The following ANKDD1A variants were observed in gnomAD, a reference collection of about 807,000 sequenced individuals.
ANKDD1A encodes the protein ankyrin repeat and death domain containing 1A.
A neutral mutation model predicts 63.5 loss-of-function variants in ANKDD1A; 59 were observed. That is an observed-to-expected ratio of 0.93 (90% CI 0.75 to 1.15). The LOEUF (loss-of-function observed/expected upper bound fraction) is 1.15. Among genes scored for constraint, ANKDD1A ranks in the 50% most tolerant of loss-of-function variants. The probability of loss-of-function intolerance (pLI) is 0.00; values close to 1 mark genes in which losing one functional copy is unlikely to be tolerated. For missense variants in ANKDD1A, 632 were observed against 656.4 expected, an observed-to-expected ratio of 0.96 and a Z score of 0.41; for synonymous variants, 266 against 263.9, an observed-to-expected ratio of 1.01 and a Z score of -0.08.
At chr15:64,913,323 G>T (rs946236376) in intron 1 of ANKDD1A, among the ~76,000 whole-genome samples, 3 of 152,160 alleles carry the variant, frequency 2.0e-5, no homozygotes, top group Non-Finnish European at 4.4e-5. Context: ...CTAGAACCCA[G>T]GCCTCTGTAA....
intron 11 of ANKDD1A, among the ~76,000 whole-genome samples, chr15:64,944,296 AC>A (rs2085207103): frequency 6.6e-6 from 1 of 152,014 alleles, no homozygotes; most frequent in African/African-American, 2.4e-5. Context: ...GACATGATAA[AC>A]CCAAGCCCCC....
chr15:64,916,713 G>A (rs1191957583), intron 2 of ANKDD1A, among the ~76,000 whole-genome samples: 1 of 152,236 alleles, frequency 6.6e-6, no homozygotes, highest in East Asian at 1.9e-4. Flanking sequence ...GTAGGAAGGA[G>A]CAGCTGGGCT....
Position 64,957,254 on chromosome 15 carries a change from G to T in ANKDD1A, c.*66G>T, listed in dbSNP as rs2085425809. The T allele has an allele frequency of 6.6e-6, 2 of 301,500 alleles. No homozygotes were observed. The highest frequency in any genetic ancestry group is 1.3e-4 in the East Asian group (1 of 7,720). 18.7% of individuals were successfully genotyped at this position (301,500 alleles called of 1,614,324 possible). ...TGTATTTTTAGTAGAGATGGGGTTT[G>T]GCCATGATGGCCAGGCTGGAAAATT... On this transcript the variant is annotated 3_prime_UTR_variant, in exon 15 of 15. Coordinates refer to ENST00000319580, the MANE Select transcript of ANKDD1A (RefSeq NM_182703.6).
At chr15:64,917,252 C>T in intron 2 of ANKDD1A, 134 bp from the exon 3 acceptor site, 1 of 1,216,398 alleles carries the variant, frequency 8.2e-7, no homozygotes, top group Admixed American at 3.0e-5. Context: ...GGCTGGGTCC[C>T]CAGCTAGCTG....
intron 14 of ANKDD1A, among the ~76,000 whole-genome samples, chr15:64,954,075 CTTTTCTTCTT>C (rs2085373544): frequency 7.4e-5 from 1 of 13,516 alleles, no homozygotes; most frequent in Non-Finnish European, 7.9e-4. Flanking sequence ...TCTTCTTCCT[CTTTTCTTCTT>C]CTTTCTCCTC....
chr15:64,954,118 T>G (rs952496867), intron 14 of ANKDD1A, among the ~76,000 whole-genome samples: 2 of 144,018 alleles, frequency 1.4e-5, no homozygotes, highest in Non-Finnish European at 3.1e-5. Flanking sequence ...TTCCTTTCTT[T>G]TCTCCTTTCT....
rs1384321955 is a variant in ANKDD1A, at chr15:64,921,941, C to T, written c.288C>T (p.Leu96=). The change falls in exon 4 of 15, where the codon CTC becomes CTT. Residue 96 remains leucine (L), a synonymous_variant. Coordinates refer to ENST00000319580, the MANE Select transcript of ANKDD1A (RefSeq NM_182703.6). ...ARLCFGMNAL[L]LSAWFGHLRI... ...CCTAGTTTGGGATGAATGCGCTTCT[C>T]CTGTCTGCCTGGTTCGGCCACTTAC... The T allele has an allele frequency of 1.9e-6, 3 of 1,614,178 alleles. No individual in the cohort carries two copies. Among genetic ancestry groups the T allele is most frequent in the African/African-American group, 1.3e-5 (1 of 75,050 alleles).
chr15:64,939,615 A>G (rs74737933), intron 9 of ANKDD1A, among the ~76,000 whole-genome samples: 3,176 of 152,288 alleles, frequency 0.021, 112 homozygotes, highest in African/African-American at 0.072. Context: ...CCTTGGCTCT[A>G]AAAAATAAAA....
intron 13 of ANKDD1A, 37 bp downstream of exon 13, chr15:64,947,630 G>A (rs776094982): frequency 1.2e-6 from 2 of 1,600,582 alleles, no homozygotes; most frequent in Non-Finnish European, 1.7e-6. Flanking sequence ...AGCAACCATT[G>A]GGCGGAGGGG....
chr15:64,946,831 T>A lies in ANKDD1A; in HGVS notation c.1162-573T>A, dbSNP rs16948414. Among the ~76,000 whole-genome samples the A allele has an allele frequency of 2.2e-3, 338 of 152,300 alleles. 2 individuals carry two copies. In the East Asian group the frequency reaches 0.026, roughly 12 times the overall value. ...CAGGATGATTTTTTTCACCCTGAAC[T>A]TAACAACCAGAACTCTGCATCCATT... is the stretch of plus-strand genomic sequence containing the variant. On this transcript the variant is annotated intron_variant, in intron 12 of 14. Coordinates refer to ENST00000319580, the MANE Select transcript of ANKDD1A (RefSeq NM_182703.6).
chr15:64,953,037 TTTC>T (rs762832459), intron 14 of ANKDD1A, among the ~76,000 whole-genome samples: 20 of 22,766 alleles, frequency 8.8e-4, no homozygotes, highest in Non-Finnish European at 2.7e-3. Flanking sequence ...TCCTTCTTCC[TTTC>T]TTCTTTCCTC....
rs1160527246 is a variant in ANKDD1A, at chr15:64,948,475, G to C, written c.1351+882G>C. Among the ~76,000 whole-genome samples the C allele has an allele frequency of 3.9e-5, 6 of 152,180 alleles. No homozygotes were observed. In the South Asian group the frequency reaches 1.0e-3, roughly 26 times the overall value. ...GAACATTCTGGGGGAAAACAATAAA[G>C]GGGATCTAACCCAAGCAGACTCAGC... is the stretch of plus-strand genomic sequence containing the variant. On this transcript the variant is annotated intron_variant, in intron 13 of 14. Coordinates refer to ENST00000319580, the MANE Select transcript of ANKDD1A (RefSeq NM_182703.6).
At chr15:64,954,001 TTTC>T (rs1259939554) in intron 14 of ANKDD1A, among the ~76,000 whole-genome samples, 19 of 126,996 alleles carry the variant, frequency 1.5e-4, no homozygotes, top group South Asian at 9.1e-4. Flanking sequence ...CTTTCTTTCC[TTTC>T]TTCTTCCTTC....
intron 14 of ANKDD1A, among the ~76,000 whole-genome samples, chr15:64,953,934 T>TTCTC (rs1566918126): frequency 7.9e-6 from 1 of 126,652 alleles, no homozygotes; most frequent in Non-Finnish European, 1.7e-5. Flanking sequence ...TTCTTTTTTC[T>TTCTC]TTTCTTCCTC....
In ANKDD1A at chr15:64,946,344, ACT is replaced by A. The variant is rs149841157; in HGVS notation, c.1162-1059_1162-1058del. Among the ~76,000 whole-genome samples, 1,263 of 152,338 alleles carry A rather than the reference ACT, an allele frequency of 8.3e-3. 48 individuals are homozygous for A. In the South Asian group the frequency reaches 0.12, roughly 15 times the overall value. ...TTCTTATCCCTTTCAAATAAAAATC[ACT>A]GTTTCAGAATCAATTGGTAGATAAA... On this transcript the variant is annotated intron_variant, in intron 12 of 14. Coordinates refer to ENST00000319580, the MANE Select transcript of ANKDD1A (RefSeq NM_182703.6).
chr15:64,916,870 T>C (rs1327574547), intron 2 of ANKDD1A, among the ~76,000 whole-genome samples: 1 of 152,076 alleles, frequency 6.6e-6, no homozygotes, highest in Non-Finnish European at 1.5e-5. Context: ...GATAACGTTA[T>C]GAACTGCCAA....
At chr15:64,946,197 CTTTT>C (rs919518907) in intron 12 of ANKDD1A, among the ~76,000 whole-genome samples, 4 of 152,078 alleles carry the variant, frequency 2.6e-5, no homozygotes, top group African/African-American at 9.7e-5. Context: ...AACAGATTTT[CTTTT>C]TAAGCACTTC....
At chr15:64,953,563 C>CCTTCTCCTTCTTTCT (rs1555397835) in intron 14 of ANKDD1A, among the ~76,000 whole-genome samples, 4 of 7,846 alleles carry the variant, frequency 5.1e-4, no homozygotes, top group East Asian at 0.012. Flanking sequence ...TTCTTTCTTC[C>CCTTCTCCTTCTTTCT]TCCTTCTTCT....
chr15:64,951,696 C>CTTTTCTTTTTCTTCG (rs1595858551), intron 14 of ANKDD1A, among the ~76,000 whole-genome samples: 6 of 16,110 alleles, frequency 3.7e-4, no homozygotes, highest in Admixed American at 7.7e-4. Context: ...TCTTCCTCTT[C>CTTTTCTTTTTCTTCG]TTCTTCCTTA....
Sources: gnomAD v4.1 joint callset for allele counts (sites outside exome capture counted in the v4.1 genomes callset) on GRCh38, gnomAD v4.1.1 for gene constraint, MANE v1.5 for transcripts, NCBI Gene and HGNC (gene_info 2026-07-23, HGNC 2026-07-21) for gene names.